Variants in TMEM64 observed in about 807,000 individuals in gnomAD.
TMEM64 encodes transmembrane protein 64.
In TMEM64, 19 loss-of-function variants were observed where a neutral mutation model predicts 24.5. The observed-to-expected ratio is 0.78, with a 90% CI of 0.54 to 1.14. The LOEUF (loss-of-function observed/expected upper bound fraction) is 1.14. TMEM64 is among the 50% of genes most tolerant of loss of function. The probability of loss-of-function intolerance (pLI) is 0.00; values close to 1 mark genes in which losing one functional copy is unlikely to be tolerated. For synonymous variants in TMEM64, 262 were observed against 224.7 expected (o/e 1.17, Z -1.49); for missense variants, 487 against 493.0 (o/e 0.99, Z 0.12).
In TMEM64 at chr8:90,644,831, T is replaced by G. The variant is rs986465180; in HGVS notation, c.795+280A>C. Among the ~76,000 whole-genome samples the G allele has an allele frequency of 3.9e-5, 6 of 152,242 alleles. No homozygotes were observed. In the East Asian group the frequency reaches 9.6e-4, roughly 24 times the overall value. Reference sequence around the variant, plus strand: ...AGATGGGCATTTCCATTCATGTCCCTGCATGCCTATTGTTAAGAGGGCTTT... The same window carrying G: ...AGATGGGCATTTCCATTCATGTCCCGGCATGCCTATTGTTAAGAGGGCTTT... On this transcript the variant is annotated intron_variant, in intron 1 of 2. Coordinates refer to ENST00000458549, the MANE Select transcript of TMEM64 (RefSeq NM_001008495.4).
chr8:90,635,764 T>C (rs1809509270), intron 1 of TMEM64, among the ~76,000 whole-genome samples: 1 of 152,204 alleles, frequency 6.6e-6, no homozygotes, highest in Non-Finnish European at 1.5e-5. Flanking sequence ...AAATGAATGT[T>C]ATAAAATTAT....
At chr8:90,644,922 G>A (rs918552956) in intron 1 of TMEM64, among the ~76,000 whole-genome samples, 189 bp downstream of exon 1, 1 of 152,092 alleles carries the variant, frequency 6.6e-6, no homozygotes, top group Non-Finnish European at 1.5e-5. Context: ...ACTCTCTTTC[G>A]AGGCTCCGCG....
At chr8:90,632,405 C>G (rs370114299) in intron 1 of TMEM64, among the ~76,000 whole-genome samples, 57 of 152,306 alleles carry the variant, frequency 3.7e-4, no homozygotes, top group African/African-American at 1.3e-3. Context: ...TCACTGCAAG[C>G]TCCGCCTCCC....
intron 1 of TMEM64, among the ~76,000 whole-genome samples, chr8:90,632,006 G>A (rs1440370604): frequency 3.3e-5 from 5 of 152,148 alleles, no homozygotes; most frequent in Non-Finnish European, 5.9e-5. Context: ...TGTAAAAACA[G>A]TTTTGTAAGT....
chr8:90,641,264 T>C (rs1809600788), intron 1 of TMEM64, among the ~76,000 whole-genome samples: 1 of 152,180 alleles, frequency 6.6e-6, no homozygotes, highest in Non-Finnish European at 1.5e-5. Flanking sequence ...GAGACACACA[T>C]AGCACACACA....
chr8:90,629,097 CTCTT>C (rs1032188411), intron 2 of TMEM64, among the ~76,000 whole-genome samples: 1 of 149,452 alleles, frequency 6.7e-6, no homozygotes, highest in African/African-American at 2.6e-5. Context: ...AACCTAAGCT[CTCTT>C]TTTTTCCTTT....
rs1441864221 is a variant in TMEM64 at position 90,645,448 on chromosome 8, C to T, written c.458G>A (p.Ser153Asn). ...CAGGACCCCCAGCAGCGAGTCAAGGCTCTCCACCCACAGCAGGAGGTGGTG... is the reference window on the plus strand; with the variant it reads ...CAGGACCCCCAGCAGCGAGTCAAGGTTCTCCACCCACAGCAGGAGGTGGTG... ...YLHHLLLWVE[S>N]LDSLLGVLLF... Residue 153 changes from serine (S) to asparagine (N), a missense_variant, in exon 1 of 3, where the codon AGC (serine) becomes AAC (asparagine). Coordinates refer to ENST00000458549, the MANE Select transcript of TMEM64 (RefSeq NM_001008495.4). The surrounding 1 kb of genome is among the most constrained non-coding windows in gnomAD (Gnocchi z 4.2). The T allele has an allele frequency of 6.4e-7, 1 of 1,551,604 alleles. No individual in the cohort carries two copies. Among genetic ancestry groups the T allele is most frequent in the South Asian group, 1.2e-5 (1 of 84,062 alleles).
rs1425384955 is a variant in TMEM64, at chr8:90,645,390, G to A, written c.516C>T (p.Phe172=). The A allele has an allele frequency of 6.4e-7, 1 of 1,551,880 alleles. No individual in the cohort carries two copies. The highest frequency in any genetic ancestry group is 1.4e-5 in the African/African-American group (1 of 73,174). Residue 172 remains phenylalanine, a synonymous_variant, in exon 1 of 3, where the codon TTC becomes TTT. Coordinates refer to ENST00000458549, the MANE Select transcript of TMEM64 (RefSeq NM_001008495.4). The surrounding 1 kb of genome is among the most constrained non-coding windows in gnomAD (Gnocchi z 4.2). The part of the protein sequence containing the change: ...LFVVGFIVVS[F]PCGWGYIVLN... Reference sequence around the variant, plus strand: ...GCACGATGTAGCCCCAGCCGCAGGGGAAAGAGACCACGATGAAGCCCACGA... The same window carrying A: ...GCACGATGTAGCCCCAGCCGCAGGGAAAAGAGACCACGATGAAGCCCACGA...
chr8:90,631,034 T>C (rs1179157266), intron 2 of TMEM64, among the ~76,000 whole-genome samples: 1 of 152,218 alleles, frequency 6.6e-6, no homozygotes, highest in African/African-American at 2.4e-5. Context: ...TTTGGACTTG[T>C]AATAGAAAAC....
chr8:90,639,555 C>A (rs1809571438), intron 1 of TMEM64, among the ~76,000 whole-genome samples: 2 of 152,058 alleles, frequency 1.3e-5, no homozygotes, highest in Admixed American at 6.5e-5. Context: ...ATATCTAAGA[C>A]CCAGTTCTAA....
chr8:90,640,547 G>T (rs1354799944), intron 1 of TMEM64, among the ~76,000 whole-genome samples: 2 of 152,032 alleles, frequency 1.3e-5, no homozygotes, highest in Admixed American at 1.3e-4. Flanking sequence ...AAATCACTTC[G>T]CCAGGGCTAC....
chr8:90,643,596 G>C (rs963730527), intron 1 of TMEM64, among the ~76,000 whole-genome samples: 2 of 152,172 alleles, frequency 1.3e-5, no homozygotes, highest in African/African-American at 2.4e-5. Flanking sequence ...ACGGTAGATG[G>C]ACAAGAAAAG....
rs1047360146 is a variant in TMEM64, at chr8:90,624,832, A to G, written c.*839T>C. 1 of 152,586 alleles carries G rather than the reference A, an allele frequency of 6.6e-6. No homozygotes were observed. Among genetic ancestry groups the G allele is most frequent in the Admixed American group, 6.5e-5 (1 of 15,276 alleles). 9.5% of individuals were successfully genotyped at this position (152,586 alleles called of 1,614,324 possible). Reference sequence around the variant, plus strand: ...AATAACATCTTTATTTAAAAGCCTAATTATTAATATAAAAAGGAAAAGAGT... The same window carrying G: ...AATAACATCTTTATTTAAAAGCCTAGTTATTAATATAAAAAGGAAAAGAGT... On this transcript the variant is annotated 3_prime_UTR_variant, in exon 3 of 3. Coordinates refer to ENST00000458549, the MANE Select transcript of TMEM64 (RefSeq NM_001008495.4).
At chr8:90,631,999 A>T (rs1022518803) in intron 1 of TMEM64, among the ~76,000 whole-genome samples, 2 of 152,232 alleles carry the variant, frequency 1.3e-5, no homozygotes, top group African/African-American at 2.4e-5. Context: ...ATAACTTTGT[A>T]AAAACAGTTT....
rs539827161 is a variant in TMEM64, at chr8:90,633,106, T to C, written c.796-1399A>G. ...TTGTGTGATCCCTTCCCCTAGAGCG[T>C]GGGCTGGACCTCGTGCTTACTTCTA... On this transcript the variant is annotated intron_variant, in intron 1 of 2. Transcript: ENST00000458549. 1.2e-4 allele frequency among the ~76,000 whole-genome samples: 19 copies of C among 152,314 alleles called. No homozygotes were observed. The South Asian group carries it at 3.5e-3, about 28-fold the overall frequency.
Position 90,624,675 on chromosome 8 carries a change from T to C in TMEM64, c.*996A>G, listed in dbSNP as rs551052112. ...TTTATAGTTTTAAAGCTGAAGACTA[T>C]GGGAACAATATATATGTACTTCATG... On this transcript the variant is annotated 3_prime_UTR_variant, in exon 3 of 3. Transcript: ENST00000458549. The C allele has an allele frequency of 6.6e-6, 1 of 152,618 alleles. No homozygotes were observed. The highest frequency in any genetic ancestry group is 1.9e-4 in the East Asian group (1 of 5,178). The allele number at this position is 152,618 out of a possible 1,614,324, so 9.5% of individuals were successfully genotyped here.
chr8:90,625,484 T>C lies in TMEM64; in HGVS notation c.*187A>G, dbSNP rs1042783338. On this transcript the variant is annotated 3_prime_UTR_variant, in exon 3 of 3. Transcript: ENST00000458549. ...ATAAAGAGGTGCAGCCAAATTTGCA[T>C]CTACATTTACACTTACATACCCAGA... The C allele has an allele frequency of 2.5e-5, 13 of 511,396 alleles. No homozygotes were observed. The highest frequency in any genetic ancestry group is 3.8e-5 in the Non-Finnish European group (11 of 290,740). 31.7% of individuals were successfully genotyped at this position (511,396 alleles called of 1,614,324 possible).
At position 90,632,696 on chromosome 8, in the gene TMEM64, C is replaced by T. The variant is rs188992250; in HGVS notation, c.796-989G>A. Among the ~76,000 whole-genome samples the T allele has an allele frequency of 2.4e-3, 367 of 152,300 alleles. 1 individual carries two copies. The highest frequency in any genetic ancestry group is 7.9e-3 in the African/African-American group (329 of 41,552). ...TTGCTCTTGAATTCCTGAGCTCAGG[C>T]AATCCGCCCACCTCAGTCTCCCAAA... On this transcript the variant is annotated intron_variant, in intron 1 of 2. Coordinates refer to ENST00000458549, the MANE Select transcript of TMEM64 (RefSeq NM_001008495.4).
intron 1 of TMEM64, among the ~76,000 whole-genome samples, chr8:90,642,699 G>A (rs936458083): frequency 2.0e-5 from 3 of 152,290 alleles, no homozygotes; most frequent in East Asian, 3.9e-4. Flanking sequence ...CAGAACAATA[G>A]GTATAAACAG....
Sources: allele counts gnomAD v4.1 joint callset (sites outside exome capture counted in the v4.1 genomes callset), GRCh38; gene constraint gnomAD v4.1.1; non-coding constraint Gnocchi (gnomAD v3.1); transcripts MANE v1.5; gene names NCBI Gene and HGNC (gene_info 2026-07-23, HGNC 2026-07-21).